CDC42SE2: variants seen among roughly 807,000 people sequenced by gnomAD.
CDC42SE2 encodes CDC42 small effector 2.
CDC42SE2 carries 3 observed loss-of-function variants against 11.5 expected under a neutral mutation model. The observed-to-expected ratio is 0.26, with a 90% CI of 0.12 to 0.67. CDC42SE2 has a LOEUF of 0.67. Among genes scored for constraint, CDC42SE2 ranks in the 30% least tolerant of loss-of-function variants. The pLI, the probability that CDC42SE2 is intolerant of heterozygous loss-of-function variation, is 0.80. For missense variants in CDC42SE2, 82 were observed against 106.8 expected (o/e 0.77, Z 1.02); for synonymous variants, 33 against 34.8 (o/e 0.95, Z 0.18).
At chr5:131,240,584 C>T (rs1447070477), upstream of CDC42SE2, among the ~76,000 whole-genome samples, 2 of 152,098 alleles carry the variant, frequency 1.3e-5, no homozygotes, top group African/African-American at 4.8e-5. Flanking sequence ...ATTGTGAGAT[C>T]ATCACAGAAT....
intron 2 of CDC42SE2, among the ~76,000 whole-genome samples, chr5:131,320,765 C>G (rs1758170690): frequency 6.6e-6 from 1 of 152,022 alleles, no homozygotes; most frequent in Non-Finnish European, 1.5e-5. Context: ...TCTAAAATTA[C>G]AGCAATTAAT....
At chr5:131,297,906 T>C (rs1478531621) in intron 1 of CDC42SE2, among the ~76,000 whole-genome samples, 3 of 152,034 alleles carry the variant, frequency 2.0e-5, no homozygotes, top group Non-Finnish European at 2.9e-5. Context: ...CTCTCCCTAT[T>C]TCCAATCTTA....
chr5:131,370,761 T>C (rs926681247), intron 3 of CDC42SE2, among the ~76,000 whole-genome samples: 1 of 152,226 alleles, frequency 6.6e-6, no homozygotes, highest in African/African-American at 2.4e-5. Flanking sequence ...AGGTGGCTAA[T>C]GATTAAAATG....
intron 1 of CDC42SE2, among the ~76,000 whole-genome samples, chr5:131,275,594 G>A (rs978019366): frequency 3.4e-4 from 52 of 152,148 alleles, no homozygotes; most frequent in Admixed American, 1.3e-3. Flanking sequence ...GCACCTGGCC[G>A]TATAATTTTC....
chr5:131,217,788 C>T, the CDC42SE2 span, among the ~76,000 whole-genome samples: 1 of 152,090 alleles, frequency 6.6e-6, no homozygotes, highest in Admixed American at 6.6e-5. Context: ...AATAGGCAAG[C>T]TCTAGAATGG....
At chr5:131,371,837 G>A (rs1229246170) in intron 3 of CDC42SE2, among the ~76,000 whole-genome samples, 1 of 152,230 alleles carries the variant, frequency 6.6e-6, no homozygotes, top group Non-Finnish European at 1.5e-5. Flanking sequence ...ATAAGTTACA[G>A]TGAAACAAGC....
At chr5:131,262,364 G>T (rs1016444312), upstream of CDC42SE2, among the ~76,000 whole-genome samples, 3 of 151,870 alleles carry the variant, frequency 2.0e-5, no homozygotes, top group African/African-American at 7.3e-5. Flanking sequence ...GTATGATGTA[G>T]ATAAAGATCT....
chr5:131,377,770 AAG>A (rs1750199186), intron 3 of CDC42SE2, among the ~76,000 whole-genome samples: 1 of 152,242 alleles, frequency 6.6e-6, no homozygotes, highest in Non-Finnish European at 1.5e-5. Flanking sequence ...ATTTCTATGA[AAG>A]AGAGAAAATT....
At chr5:131,213,491 C>T in the CDC42SE2 span, among the ~76,000 whole-genome samples, 1 of 152,084 alleles carries the variant, frequency 6.6e-6, no homozygotes, top group Admixed American at 6.6e-5. Context: ...CTCTATCACT[C>T]AGGGTGGAGT....
upstream of CDC42SE2, chr5:131,261,392 T>C (rs1756724897): frequency 6.6e-6 from 1 of 152,222 alleles, no homozygotes; most frequent in Non-Finnish European, 1.5e-5. Flanking sequence ...AAACACATTG[T>C]CAATTTTTTT....
intron 2 of CDC42SE2, among the ~76,000 whole-genome samples, chr5:131,256,475 T>C (rs1248039336): frequency 6.6e-6 from 1 of 152,202 alleles, no homozygotes; most frequent in Non-Finnish European, 1.5e-5. Flanking sequence ...ACAACATCCA[T>C]TTATTAGTTC....
At chr5:131,338,229 C>T (rs1173112860) in intron 2 of CDC42SE2, among the ~76,000 whole-genome samples, 1 of 152,212 alleles carries the variant, frequency 6.6e-6, no homozygotes, top group Non-Finnish European at 1.5e-5. Flanking sequence ...CTCTTGTTAA[C>T]ACCAGCACAT....
At chr5:131,380,709 C>T (rs1750295747) in intron 3 of CDC42SE2, among the ~76,000 whole-genome samples, 1 of 152,096 alleles carries the variant, frequency 6.6e-6, no homozygotes, top group African/African-American at 2.4e-5. Flanking sequence ...CTGGATCTTT[C>T]CCATTAGAAA....
intron 2 of CDC42SE2, among the ~76,000 whole-genome samples, chr5:131,323,224 C>G (rs907509945): frequency 1.3e-5 from 2 of 150,832 alleles, no homozygotes; most frequent in Non-Finnish European, 2.9e-5. Context: ...CAGTGTCTCT[C>G]TATGTTGCCC....
chr5:131,217,262 C>CTA, the CDC42SE2 span, among the ~76,000 whole-genome samples: 1 of 152,180 alleles, frequency 6.6e-6, no homozygotes, highest in African/African-American at 2.4e-5. Context: ...GTGACAGAGA[C>CTA]TATATGGCCC....
chr5:131,385,024 C>T (rs1258563253), intron 3 of CDC42SE2, among the ~76,000 whole-genome samples: 3 of 151,938 alleles, frequency 2.0e-5, no homozygotes, highest in African/African-American at 7.3e-5. Context: ...TGGACTAGGA[C>T]CAAATCTGTC....
intron 1 of CDC42SE2, among the ~76,000 whole-genome samples, chr5:131,276,471 A>T (rs1348367957): frequency 6.6e-6 from 1 of 151,922 alleles, no homozygotes; most frequent in South Asian, 2.1e-4. Flanking sequence ...AATCTTTTAG[A>T]TAAGTTGTTA....
Position 131,267,504 on chromosome 5 carries a change from T to C in CDC42SE2, c.-455+3338T>C, listed in dbSNP as rs1224355698. Among the ~76,000 whole-genome samples the C allele has an allele frequency of 2.0e-5, 3 of 152,342 alleles. No individual in the cohort carries two copies. The South Asian group carries it at 6.2e-4, about 32-fold the overall frequency. On this transcript the variant is annotated intron_variant, in intron 1 of 4. Coordinates refer to ENST00000505065, the MANE Select transcript of CDC42SE2 (RefSeq NM_001375635.1). ...GAATATTTGAAATGTTGGTGTTTTC[T>C]TCATCAGGGTATGTGTGTCTGTTGG... is the stretch of plus-strand genomic sequence containing the variant.
intron 3 of CDC42SE2, among the ~76,000 whole-genome samples, chr5:131,373,518 C>T (rs1561433687): frequency 6.6e-6 from 1 of 152,190 alleles, no homozygotes; most frequent in African/African-American, 2.4e-5. Flanking sequence ...TGCTGATAAC[C>T]TGCAATTGTG....
Sources: allele counts gnomAD v4.1 joint callset (sites outside exome capture counted in the v4.1 genomes callset), GRCh38; gene constraint gnomAD v4.1.1; transcripts MANE v1.5; gene names NCBI Gene and HGNC (gene_info 2026-07-23, HGNC 2026-07-21).